CWC27: variants seen among roughly 807,000 people sequenced by gnomAD.
CWC27 encodes the protein CWC27 spliceosome associated cyclophilin, also known as spliceosome-associated protein CWC27 homolog.
A neutral mutation model predicts 63.6 loss-of-function variants in CWC27; 47 were observed. The ratio of observed to expected loss-of-function variants is 0.74; its 90% CI spans 0.58 to 0.94. The LOEUF is 0.94. CWC27 is among the 40% of genes least tolerant of loss of function. The probability of loss-of-function intolerance (pLI) is 0.00; values close to 1 mark genes in which losing one functional copy is unlikely to be tolerated. For missense variants in CWC27, 495 were observed against 554.3 expected (o/e 0.89, Z 1.07); for synonymous variants, 175 against 179.8 (o/e 0.97, Z 0.22).
chr5:64,918,044 T>A (rs1284492517), intron 11 of CWC27, among the ~76,000 whole-genome samples: 2 of 151,600 alleles, frequency 1.3e-5, no homozygotes, highest in Non-Finnish European at 2.9e-5. Flanking sequence ...GAAAAAAAAA[T>A]TTTTCAGGTG....
At chr5:64,804,562 A>G (rs2112215485) in intron 10 of CWC27, 176 bp downstream of exon 10, 2 of 553,600 alleles carry the variant, frequency 3.6e-6, no homozygotes, top group Non-Finnish European at 6.2e-6. Context: ...CACCAAGCTT[A>G]AAGTAAACAT....
At chr5:64,978,974 C>T (rs927306296) in intron 13 of CWC27, among the ~76,000 whole-genome samples, 40 of 152,208 alleles carry the variant, frequency 2.6e-4, no homozygotes, top group African/African-American at 8.9e-4. Context: ...GACCATTTAA[C>T]TTCCAAGGTT....
At chr5:64,987,758 G>T (rs542588338) in intron 13 of CWC27, among the ~76,000 whole-genome samples, 1 of 152,140 alleles carries the variant, frequency 6.6e-6, no homozygotes, top group Non-Finnish European at 1.5e-5. Flanking sequence ...AAAGATGTTT[G>T]TTCCACCAAA....
chr5:64,819,452 T>A (rs1453726055), intron 10 of CWC27, among the ~76,000 whole-genome samples: 1 of 151,982 alleles, frequency 6.6e-6, no homozygotes, highest in East Asian at 1.9e-4. Flanking sequence ...AATTCCCACA[T>A]GTTGTAGGAG....
At chr5:64,867,852 G>A (rs769246406) in intron 10 of CWC27, among the ~76,000 whole-genome samples, 1 of 151,768 alleles carries the variant, frequency 6.6e-6, no homozygotes, top group Non-Finnish European at 1.5e-5. Context: ...CTTTCCCAGA[G>A]CTAGGAAGGC....
chr5:64,907,172 A>C (rs1747664078), intron 11 of CWC27, among the ~76,000 whole-genome samples: 1 of 152,116 alleles, frequency 6.6e-6, no homozygotes, highest in African/African-American at 2.4e-5. Flanking sequence ...TCCCATATGA[A>C]CTTTAAAGTA....
At chr5:64,779,197 C>T (rs752970314) in intron 2 of CWC27, among the ~76,000 whole-genome samples, 3 of 152,112 alleles carry the variant, frequency 2.0e-5, no homozygotes, top group Non-Finnish European at 4.4e-5. Flanking sequence ...CATTTATCCT[C>T]CTGTATGTCA....
chr5:64,979,028 CA>C (rs1749284690), intron 13 of CWC27, among the ~76,000 whole-genome samples: 1 of 152,180 alleles, frequency 6.6e-6, no homozygotes. Flanking sequence ...TTGAATTCCT[CA>C]TTAGCTTCAG....
At chr5:64,867,175 G>A (rs910509082) in intron 10 of CWC27, among the ~76,000 whole-genome samples, 1 of 152,070 alleles carries the variant, frequency 6.6e-6, no homozygotes, top group South Asian at 2.1e-4. Context: ...ACCTCAGGAA[G>A]TTTTGTATAA....
intron 11 of CWC27, among the ~76,000 whole-genome samples, chr5:64,891,421 A>T (rs1045486614): frequency 6.6e-6 from 1 of 152,200 alleles, no homozygotes; most frequent in Non-Finnish European, 1.5e-5. Context: ...TTTAAACAAG[A>T]TATCTTTCAA....
intron 13 of CWC27, among the ~76,000 whole-genome samples, chr5:65,000,205 G>GT (rs1212423784): frequency 6.6e-6 from 1 of 152,012 alleles, no homozygotes; most frequent in Non-Finnish European, 1.5e-5. Context: ...CTTTTAAGCT[G>GT]TGTAAGCTCC....
chr5:64,978,865 T>C (rs984440979), intron 13 of CWC27, among the ~76,000 whole-genome samples: 1 of 152,130 alleles, frequency 6.6e-6, no homozygotes, highest in Non-Finnish European at 1.5e-5. Flanking sequence ...ATTTAAGTCC[T>C]TTTTTATTGA....
intron 11 of CWC27, among the ~76,000 whole-genome samples, chr5:64,945,742 G>A (rs1748579358): frequency 6.6e-6 from 1 of 152,016 alleles, no homozygotes; most frequent in Non-Finnish European, 1.5e-5. Flanking sequence ...TTTCCATAAT[G>A]GTAACAGTCA....
intron 11 of CWC27, among the ~76,000 whole-genome samples, chr5:64,906,966 C>G (rs941523226): frequency 6.6e-6 from 1 of 152,118 alleles, no homozygotes; most frequent in Non-Finnish European, 1.5e-5. Flanking sequence ...TGTCAAAGAT[C>G]AGATGGTTGT....
At chr5:65,001,340 A>G (rs1749728584) in intron 13 of CWC27, among the ~76,000 whole-genome samples, 1 of 152,050 alleles carries the variant, frequency 6.6e-6, no homozygotes, top group Non-Finnish European at 1.5e-5. Context: ...TCTGACTAGG[A>G]CTTCCAGTAC....
At chr5:64,899,579 C>T (rs750282850) in intron 11 of CWC27, among the ~76,000 whole-genome samples, 1 of 152,128 alleles carries the variant, frequency 6.6e-6, no homozygotes, top group Non-Finnish European at 1.5e-5. Context: ...GAGCTATGAA[C>T]ATATTATGAA....
chr5:64,874,346 G>A (rs942400073), intron 10 of CWC27, among the ~76,000 whole-genome samples: 9 of 151,164 alleles, frequency 6.0e-5, no homozygotes, highest in African/African-American at 2.2e-4. Flanking sequence ...ATTTTTAGTA[G>A]AGATGGGGCT....
chr5:64,939,287 G>A (rs1376814855), intron 11 of CWC27, among the ~76,000 whole-genome samples: 1 of 152,134 alleles, frequency 6.6e-6, no homozygotes, highest in African/African-American at 2.4e-5. Flanking sequence ...TTCAGATGGG[G>A]TTGTCTTGTC....
chr5:64,857,407 T>A (rs2112305491), intron 10 of CWC27, among the ~76,000 whole-genome samples: 1 of 152,336 alleles, frequency 6.6e-6, no homozygotes, highest in East Asian at 1.9e-4. Flanking sequence ...TGCTGTTAAG[T>A]AATTCAAGAA....
Sources: gnomAD v4.1 joint callset for allele counts (sites outside exome capture counted in the v4.1 genomes callset) on GRCh38, gnomAD v4.1.1 for gene constraint, MANE v1.5 for transcripts, NCBI Gene and HGNC (gene_info 2026-07-23, HGNC 2026-07-21) for gene names.